The following PPP2R3A variants were observed in gnomAD, a reference collection of about 807,000 sequenced individuals.
The protein encoded by PPP2R3A is serine/threonine-protein phosphatase 2A regulatory subunit B'' subunit alpha.
PPP2R3A carries 80 observed loss-of-function variants against 106.9 expected under a neutral mutation model. The ratio of observed to expected loss-of-function variants is 0.75; its 90% CI spans 0.62 to 0.90. The LOEUF (loss-of-function observed/expected upper bound fraction) is 0.90. PPP2R3A is among the 40% of genes least tolerant of loss of function. The pLI is 0.00. For synonymous variants in PPP2R3A, 483 were observed against 468.3 expected (o/e 1.03, Z -0.41); for missense variants, 1,386 against 1,350.4 (o/e 1.03, Z -0.41).
intron 5 of PPP2R3A, among the ~76,000 whole-genome samples, chr3:136,057,178 A>T (rs1184294359): frequency 6.6e-6 from 1 of 152,118 alleles, no homozygotes; most frequent in African/African-American, 2.4e-5. Context: ...CTTCCATATG[A>T]TCCGGAAATA....
intron 1 of PPP2R3A, among the ~76,000 whole-genome samples, chr3:135,966,128 G>A (rs1937075471): frequency 6.6e-6 from 1 of 152,186 alleles, no homozygotes; most frequent in South Asian, 2.1e-4. Context: ...TGCCCCAGGG[G>A]CGCCCGCGGA....
At chr3:135,969,492 T>C (rs1559843821) in intron 1 of PPP2R3A, among the ~76,000 whole-genome samples, 1 of 152,140 alleles carries the variant, frequency 6.6e-6, no homozygotes, top group Non-Finnish European at 1.5e-5. Flanking sequence ...ATAAATAGTT[T>C]TGAGATGAGT....
chr3:136,000,883 C>G (rs1051528432), intron 1 of PPP2R3A, among the ~76,000 whole-genome samples, 176 bp from the exon 2 acceptor site: 2 of 151,996 alleles, frequency 1.3e-5, no homozygotes, highest in East Asian at 3.8e-4. Flanking sequence ...TAATATTACT[C>G]TAGGCAATAA....
Position 135,977,006 on chromosome 3 carries a change from C to T in PPP2R3A, c.-441+11157C>T, listed in dbSNP as rs570110863. On this transcript the variant is annotated intron_variant, in intron 1 of 13. Transcript: ENST00000264977. ...GTCCCATTGATCTTTGTTTCTACACCATTAATACATTTCAAATTGCAGTAG... is the reference window on the plus strand; with the variant it reads ...GTCCCATTGATCTTTGTTTCTACACTATTAATACATTTCAAATTGCAGTAG... Among the ~76,000 whole-genome samples the T allele has an allele frequency of 2.2e-3, 336 of 152,112 alleles. 3 individuals are homozygous for T. In the South Asian group the frequency reaches 0.025, roughly 11 times the overall value.
intron 7 of PPP2R3A, among the ~76,000 whole-genome samples, 164 bp downstream of exon 7, chr3:136,078,617 A>AG (rs200538842): frequency 2.0e-5 from 3 of 151,340 alleles, no homozygotes; most frequent in Admixed American, 6.6e-5. Flanking sequence ...GTTTTGGGTG[A>AG]GGGGGTAAAA....
In PPP2R3A at chr3:136,106,084, C is replaced by T; in HGVS notation, c.3223-132C>T. The stretch of plus-strand genomic sequence containing the variant: ...CCTTAGGAGTTTTACCTTAGCACCT[C>T]TTTTAAACCTGTTGAAATGAAACAT... On this transcript the variant is annotated intron_variant, in intron 12 of 13. Transcript: ENST00000264977. The T allele has an allele frequency of 4.0e-6, 3 of 757,058 alleles. No homozygotes were observed. The South Asian group carries it at 5.2e-5, about 13-fold the overall frequency. 46.9% of individuals were successfully genotyped at this position (757,058 alleles called of 1,614,324 possible).
chr3:136,092,921 T>G (rs1376154234), intron 10 of PPP2R3A, among the ~76,000 whole-genome samples: 1 of 152,200 alleles, frequency 6.6e-6, no homozygotes, highest in Non-Finnish European at 1.5e-5. Context: ...ACCTTACCTT[T>G]GGACCCCTAG....
At chr3:136,010,587 C>T (rs564340273) in intron 2 of PPP2R3A, among the ~76,000 whole-genome samples, 25 of 152,032 alleles carry the variant, frequency 1.6e-4, no homozygotes, top group African/African-American at 4.8e-4. Context: ...CCACTACGCC[C>T]GGCTAATTTT....
chr3:136,039,050 A>G (rs1157496318), intron 3 of PPP2R3A, among the ~76,000 whole-genome samples: 3 of 152,008 alleles, frequency 2.0e-5, no homozygotes, highest in Non-Finnish European at 4.4e-5. Flanking sequence ...TGCCTTCCAT[A>G]TCTCCATGAA....
At chr3:136,011,391 T>A (rs530785669) in intron 2 of PPP2R3A, among the ~76,000 whole-genome samples, 1 of 152,348 alleles carries the variant, frequency 6.6e-6, no homozygotes, top group African/African-American at 2.4e-5. Flanking sequence ...CAATTGATAT[T>A]TGTTAGTAAT....
At chr3:136,076,454 A>C (rs1414359531) in intron 6 of PPP2R3A, among the ~76,000 whole-genome samples, 5 of 152,236 alleles carry the variant, frequency 3.3e-5, no homozygotes, top group African/African-American at 1.2e-4. Flanking sequence ...TAATAGACAA[A>C]AATACTGATA....
At chr3:136,128,739 T>C (rs958526025) in intron 13 of PPP2R3A, among the ~76,000 whole-genome samples, 6 of 152,082 alleles carry the variant, frequency 3.9e-5, no homozygotes, top group Non-Finnish European at 5.9e-5. Context: ...CACATCACAC[T>C]TATTCCAAAA....
chr3:136,020,023 C>G (rs1934410486), intron 2 of PPP2R3A, among the ~76,000 whole-genome samples: 1 of 151,944 alleles, frequency 6.6e-6, no homozygotes, highest in African/African-American at 2.4e-5. Context: ...AGAAAGAGAC[C>G]ACATCTTTAT....
intron 1 of PPP2R3A, among the ~76,000 whole-genome samples, chr3:135,993,675 A>C (rs1053435657): frequency 2.0e-5 from 3 of 152,244 alleles, no homozygotes; most frequent in Admixed American, 6.5e-5. Flanking sequence ...AATTTGTTTT[A>C]TCTATTTGTT....
At chr3:136,022,645 G>GT in intron 2 of PPP2R3A, 2 of 509,812 alleles carry the variant, frequency 3.9e-6, no homozygotes, top group Non-Finnish European at 5.1e-6. Flanking sequence ...CATACCCTGA[G>GT]TTTAAGAAGT....
At chr3:136,009,176 T>C (rs115183214) in intron 2 of PPP2R3A, among the ~76,000 whole-genome samples, 251 of 152,324 alleles carry the variant, frequency 1.6e-3, no homozygotes, top group Non-Finnish European at 2.8e-3. Flanking sequence ...CTAAGGATAC[T>C]GTAGCCAGTG....
At chr3:136,020,590 T>A (rs1049964059) in intron 2 of PPP2R3A, among the ~76,000 whole-genome samples, 55 of 151,242 alleles carry the variant, frequency 3.6e-4, no homozygotes, top group Non-Finnish European at 5.6e-4. Flanking sequence ...GGTTTTTTTT[T>A]AATTTTAGAA....
chr3:136,128,494 T>C (rs1938273766), intron 13 of PPP2R3A, among the ~76,000 whole-genome samples: 1 of 152,122 alleles, frequency 6.6e-6, no homozygotes, highest in South Asian at 2.1e-4. Context: ...ATGCACCCAA[T>C]ACAGGAGCAC....
At chr3:136,088,921 ATTTTTAAAT>A (rs1208671736) in intron 9 of PPP2R3A, among the ~76,000 whole-genome samples, 87 of 152,170 alleles carry the variant, frequency 5.7e-4, no homozygotes, top group African/African-American at 2.0e-3. Context: ...TCCTTTGCCC[ATTTTTAAAT>A]GGGGTTGTTT....
Sources: gnomAD v4.1 joint callset for allele counts (sites outside exome capture counted in the v4.1 genomes callset) on GRCh38, gnomAD v4.1.1 for gene constraint, MANE v1.5 for transcripts, NCBI Gene and HGNC (gene_info 2026-07-23, HGNC 2026-07-21) for gene names.